CCDC7: variants seen among roughly 807,000 people sequenced by gnomAD.
CCDC7 encodes coiled-coil domain containing 7, also known as coiled-coil domain-containing protein 7.
A neutral mutation model predicts 196.9 loss-of-function variants in CCDC7; 183 were observed. That is an observed-to-expected ratio of 0.93 (90% CI 0.82 to 1.05). The LOEUF is 1.05. Ranked by LOEUF, CCDC7 falls within the 50% of genes least tolerant of loss-of-function variation. The pLI is 0.00. For synonymous variants in CCDC7, 525 were observed against 484.6 expected (o/e 1.08, Z -1.10); for missense variants, 1,540 against 1,482.2 (o/e 1.04, Z -0.64).
At chr10:32,570,049 G>A (rs968843021) in intron 15 of CCDC7, among the ~76,000 whole-genome samples, 35 of 151,924 alleles carry the variant, frequency 2.3e-4, no homozygotes, top group Admixed American at 7.2e-4. Flanking sequence ...TCTCTAACTC[G>A]AATAACACCT....
At chr10:32,819,421 T>C (rs1340242956) in intron 31 of CCDC7, among the ~76,000 whole-genome samples, 1 of 152,208 alleles carries the variant, frequency 6.6e-6, no homozygotes, top group Non-Finnish European at 1.5e-5. Flanking sequence ...TCTGAAACTA[T>C]TCCAACCAAT....
At chr10:32,634,219 T>C in intron 18 of CCDC7, 35 bp from the exon 20 acceptor site, 1 of 956,084 alleles carries the variant, frequency 1.0e-6, no homozygotes, top group Non-Finnish European at 1.4e-6. Flanking sequence ...GAGCTCTTTC[T>C]CTATTTGGTA....
At chr10:32,461,777 A>AT (rs199887865) in intron 3 of CCDC7, among the ~76,000 whole-genome samples, 18 of 119,382 alleles carry the variant, frequency 1.5e-4, no homozygotes, top group East Asian at 4.7e-4. Flanking sequence ...ACATATGTAC[A>AT]TTTTTTTTTT....
chr10:32,830,024 C>T lies in CCDC7; in HGVS notation c.3269-4791C>T, dbSNP rs146771134. Among the ~76,000 whole-genome samples the T allele has an allele frequency of 5.6e-4, 83 of 149,278 alleles. No homozygotes were observed. The East Asian group carries it at 0.015, about 28-fold the overall frequency. The stretch of plus-strand genomic sequence containing the variant: ...TGGGACTTGACTGGCTCTCCTTGTT[C>T]CTCAGCTTGCAGGAGCTGACCTATT... On this transcript the variant is annotated intron_variant, in intron 32 of 41. Transcript: ENST00000639629.
At chr10:32,665,467 A>G (rs956447214) in intron 21 of CCDC7, among the ~76,000 whole-genome samples, 1 of 151,948 alleles carries the variant, frequency 6.6e-6, no homozygotes, top group Non-Finnish European at 1.5e-5. Context: ...CCTTAATCCA[A>G]TTTGAGTTGA....
At chr10:32,563,460 C>T (rs1172935828) in intron 13 of CCDC7, among the ~76,000 whole-genome samples, 7 of 152,092 alleles carry the variant, frequency 4.6e-5, no homozygotes, top group African/African-American at 1.7e-4. Context: ...AGATATAGAT[C>T]AATGGAACAG....
chr10:32,840,474 G>T (rs1165382598), intron 33 of CCDC7, among the ~76,000 whole-genome samples: 1 of 151,936 alleles, frequency 6.6e-6, no homozygotes, highest in Non-Finnish European at 1.5e-5. Flanking sequence ...TCTCTGAACA[G>T]ACCAATAACA....
chr10:32,622,316 CA>C (rs2139177626), intron 18 of CCDC7, among the ~76,000 whole-genome samples: 1 of 151,930 alleles, frequency 6.6e-6, no homozygotes, highest in South Asian at 2.1e-4. Flanking sequence ...TAAATTCAAA[CA>C]AAGGAAATAT....
intron 28 of CCDC7, among the ~76,000 whole-genome samples, chr10:32,757,645 A>C (rs2076692750): frequency 6.6e-6 from 1 of 152,250 alleles, no homozygotes; most frequent in Non-Finnish European, 1.5e-5. Flanking sequence ...CCACAAGAGA[A>C]AGGAGGAAAG....
At chr10:32,462,603 A>G in intron 3 of CCDC7, 80 bp from the exon 5 acceptor site, 2 of 1,140,330 alleles carry the variant, frequency 1.8e-6, no homozygotes, top group Non-Finnish European at 2.4e-6. Context: ...TGAAAATTGC[A>G]AAAGACTGAA....
rs147486917 is a variant in CCDC7 at position 32,770,362 on chromosome 10, C to T, written c.2906-8615C>T. Among the ~76,000 whole-genome samples the T allele has an allele frequency of 7.4e-4, 113 of 152,146 alleles. 3 individuals carry two copies. The East Asian group carries it at 0.019, about 25-fold the overall frequency. On this transcript the variant is annotated intron_variant, in intron 28 of 41. Transcript: ENST00000639629. ...AATTTTTAAATTTCCATCTTAATTT[C>T]GTTATTGACCCAAATATCATTCAGG...
At chr10:32,720,155 A>G (rs1417889004) in intron 25 of CCDC7, among the ~76,000 whole-genome samples, 2 of 152,198 alleles carry the variant, frequency 1.3e-5, no homozygotes, top group Non-Finnish European at 2.9e-5. Flanking sequence ...ATGCCCATCA[A>G]TGATAGACTG....
intron 21 of CCDC7, among the ~76,000 whole-genome samples, chr10:32,672,864 G>A (rs751199176): frequency 6.6e-6 from 1 of 152,096 alleles, no homozygotes; most frequent in African/African-American, 2.4e-5. Flanking sequence ...GTTTGTGAAA[G>A]GTGTCTATAT....
intron 13 of CCDC7, among the ~76,000 whole-genome samples, chr10:32,559,993 G>A (rs2055154330): frequency 6.6e-6 from 1 of 152,216 alleles, no homozygotes. Context: ...TGATGGAGCT[G>A]AAAACCAAGG....
intron 40 of CCDC7, among the ~76,000 whole-genome samples, chr10:32,852,264 G>T (rs1188563320): frequency 6.6e-6 from 1 of 152,026 alleles, no homozygotes; most frequent in Non-Finnish European, 1.5e-5. Flanking sequence ...CCTCTTTTAT[G>T]CAACCCCAGG....
intron 24 of CCDC7, among the ~76,000 whole-genome samples, chr10:32,699,278 C>A (rs2078244705): frequency 6.9e-6 from 1 of 144,512 alleles, no homozygotes; most frequent in Non-Finnish European, 1.5e-5. Flanking sequence ...TGTTCAATTC[C>A]CACCTATGAG....
intron 28 of CCDC7, among the ~76,000 whole-genome samples, chr10:32,756,250 C>G (rs533691146): frequency 1.3e-5 from 2 of 152,228 alleles, no homozygotes; most frequent in East Asian, 3.9e-4. Context: ...TCAGGAAATA[C>G]AGAGAACACC....
At chr10:32,845,800 C>CAA in intron 35 of CCDC7, 76 bp from the exon 37 acceptor site, 3 of 1,207,728 alleles carry the variant, frequency 2.5e-6, no homozygotes, top group Non-Finnish European at 3.6e-6. Flanking sequence ...CACACATACA[C>CAA]ACACACACAG....
At chr10:32,604,651 A>G (rs2061390321) in intron 18 of CCDC7, among the ~76,000 whole-genome samples, 1 of 151,798 alleles carries the variant, frequency 6.6e-6, no homozygotes, top group Non-Finnish European at 1.5e-5. Flanking sequence ...TCATCATTAC[A>G]TTTATTTTTA....
Sources: gnomAD v4.1 joint callset for allele counts (sites outside exome capture counted in the v4.1 genomes callset) on GRCh38, gnomAD v4.1.1 for gene constraint, MANE v1.5 for transcripts, NCBI Gene and HGNC (gene_info 2026-07-23, HGNC 2026-07-21) for gene names.